SCN7A: variants seen among roughly 807,000 people sequenced by gnomAD.
SCN7A encodes sodium voltage-gated channel alpha subunit 7, also known as sodium channel protein type 7 subunit alpha.
SCN7A carries 138 observed loss-of-function variants against 155.2 expected under a neutral mutation model. The observed-to-expected ratio is 0.89, with a 90% CI of 0.77 to 1.02. The LOEUF is 1.02. Ranked by LOEUF, SCN7A falls within the 50% of genes least tolerant of loss-of-function variation. The probability of loss-of-function intolerance (pLI) is 0.00; values close to 1 mark genes in which losing one functional copy is unlikely to be tolerated. For synonymous variants in SCN7A, 693 were observed against 649.0 expected (o/e 1.07, Z -1.03); for missense variants, 2,058 against 1,986.6 (o/e 1.04, Z -0.68).
intron 10 of SCN7A, among the ~76,000 whole-genome samples, chr2:166,460,121 G>C (rs921447761): frequency 6.6e-6 from 1 of 152,112 alleles, no homozygotes; most frequent in Non-Finnish European, 1.5e-5. Flanking sequence ...AGAACTTAAA[G>C]TATAAGAAAC....
Position 166,473,830 on chromosome 2 carries a change from T to A in SCN7A, c.412A>T (p.Thr138Ser). 6.4e-7 allele frequency: 1 copy of A among 1,554,096 alleles called. No individual in the cohort carries two copies. The highest frequency in any genetic ancestry group is 8.7e-7 in the Non-Finnish European group (1 of 1,145,322). The change falls in exon 5 of 26, where the codon ACT becomes TCT. Residue 138 changes from threonine to serine, a missense_variant. Physicochemically the swap from Thr to Ser is moderately conservative, Grantham distance 58 (BLOSUM62 1). Transcript: ENST00000643258. ...ACTGGTCTCCATTTTGGCAAATTAG[T>A]CAGGGACATGAATACGCAATCAATC... ...VLIDCVFMSL[T>S]NLPKWRPVLE...
chr2:166,472,655 T>G (rs1169166140), intron 5 of SCN7A, among the ~76,000 whole-genome samples: 1 of 151,860 alleles, frequency 6.6e-6, no homozygotes, highest in Non-Finnish European at 1.5e-5. Context: ...GCTCAATGCT[T>G]TAAACAGAAT....
At chr2:166,443,175 G>A (rs925469517) in intron 14 of SCN7A, among the ~76,000 whole-genome samples, 34 of 151,626 alleles carry the variant, frequency 2.2e-4, no homozygotes, top group African/African-American at 7.8e-4. Flanking sequence ...ACCTTATTTC[G>A]GCTTCTTGGT....
rs750093314 is a variant in SCN7A, at chr2:166,465,786, A to T, written c.866T>A (p.Ile289Asn). ...LHNRTGNPYYIRETENFYYLE... is the reference protein window; with the variant it reads ...LHNRTGNPYYNRETENFYYLE... ...CATGGCAAGGTGATTCTTACCTCGA[A>T]TATAATATGGGTTTCCAGTTCTGTT... The change falls in exon 8 of 26, where the codon ATT becomes AAT. Residue 289 changes from isoleucine to asparagine, a missense_variant. By Grantham distance (149) the Ile-to-Asn change is moderately radical. Transcript: ENST00000643258. The T allele has an allele frequency of 6.2e-6, 10 of 1,613,746 alleles. No individual in the cohort carries two copies. Among genetic ancestry groups the T allele is most frequent in the Non-Finnish European group, 5.9e-6 (7 of 1,179,754 alleles).
At chr2:166,417,897 G>A (rs996830498) in intron 20 of SCN7A, among the ~76,000 whole-genome samples, 1 of 151,376 alleles carries the variant, frequency 6.6e-6, no homozygotes, top group African/African-American at 2.4e-5. Context: ...ATGAAGCTTG[G>A]GAGATGAATC....
chr2:166,472,520 T>C (rs1325341442), intron 5 of SCN7A, 75 bp from the exon 6 acceptor site: 2 of 1,221,734 alleles, frequency 1.6e-6, no homozygotes, highest in South Asian at 1.5e-5. Context: ...ATGTTTATGA[T>C]AACTAGCTGG....
At chr2:166,426,426 T>C (rs904664872) in intron 18 of SCN7A, among the ~76,000 whole-genome samples, 2 of 151,982 alleles carry the variant, frequency 1.3e-5, no homozygotes, top group African/African-American at 4.8e-5. Flanking sequence ...GCTCCCAGAA[T>C]AGGGCATTAG....
chr2:166,489,695 C>T lies in SCN7A; in HGVS notation c.-127-2727G>A, dbSNP rs558186668. On this transcript the variant is annotated intron_variant, in intron 1 of 25. Coordinates refer to ENST00000643258, the MANE Select transcript of SCN7A (RefSeq NM_002976.4). Reference sequence around the variant, plus strand: ...GTCTGTGGCAAACAGTTTATCTAGGCTGCTTAATTGACTTTTGCTACTTTC... The same window carrying T: ...GTCTGTGGCAAACAGTTTATCTAGGTTGCTTAATTGACTTTTGCTACTTTC... Among the ~76,000 whole-genome samples, 36 of 152,270 alleles carry T rather than the reference C, an allele frequency of 2.4e-4. No individual in the cohort carries two copies. In the Middle Eastern group the frequency reaches 0.017, roughly 72 times the overall value.
rs544301549 is a variant in SCN7A, at chr2:166,464,608, G to A, written c.941+854C>T. On this transcript the variant is annotated intron_variant, in intron 9 of 25. Transcript: ENST00000643258. ...GAGATTAAATAAGTGAAATATCAGC[G>A]TATCTTTTTAATTTTTTTTTAAATG... is the stretch of plus-strand genomic sequence containing the variant. 6.6e-5 allele frequency among the ~76,000 whole-genome samples: 10 copies of A among 152,230 alleles called. No homozygotes were observed. In the East Asian group the frequency reaches 9.7e-4, roughly 15 times the overall value.
At chr2:166,443,115 T>C (rs1432858328) in intron 14 of SCN7A, among the ~76,000 whole-genome samples, 2 of 152,164 alleles carry the variant, frequency 1.3e-5, no homozygotes, top group African/African-American at 4.8e-5. Context: ...CATAATAACA[T>C]TCTCCTGGTC....
At chr2:166,479,520 G>A (rs908413032) in intron 2 of SCN7A, among the ~76,000 whole-genome samples, 1 of 152,048 alleles carries the variant, frequency 6.6e-6, no homozygotes, top group African/African-American at 2.4e-5. Context: ...GTGGAATCAA[G>A]TTTTCTGGGT....
intron 2 of SCN7A, 109 bp from the exon 3 acceptor site, chr2:166,477,819 A>G: frequency 1.7e-6 from 1 of 582,008 alleles, no homozygotes; most frequent in South Asian, 3.7e-5. Context: ...CATTTAAAGA[A>G]CATATTCCTT....
At chr2:166,450,658 T>A (rs979890049) in intron 11 of SCN7A, among the ~76,000 whole-genome samples, 5 of 151,746 alleles carry the variant, frequency 3.3e-5, no homozygotes, top group Non-Finnish European at 7.4e-5. Context: ...GCTGGATGTG[T>A]TAGGGCGCGC....
chr2:166,415,776 A>G (rs1042485587), intron 21 of SCN7A, among the ~76,000 whole-genome samples: 2 of 152,158 alleles, frequency 1.3e-5, no homozygotes, highest in African/African-American at 4.8e-5. Context: ...TAACTGTACA[A>G]ATTGATTGTA....
intron 20 of SCN7A, among the ~76,000 whole-genome samples, chr2:166,418,977 C>T (rs372810366): frequency 5.3e-5 from 8 of 152,108 alleles, no homozygotes; most frequent in African/African-American, 1.9e-4. Context: ...CTACTATTTT[C>T]CTGACCTTGA....
chr2:166,423,464 G>A (rs922343963), intron 18 of SCN7A, 32 bp from the exon 19 acceptor site: 2 of 1,478,274 alleles, frequency 1.4e-6, no homozygotes, highest in African/African-American at 1.4e-5. Flanking sequence ...TAAGGATTAG[G>A]TGTACAGGTA....
chr2:166,436,147 A>C (rs1229469195), intron 15 of SCN7A, among the ~76,000 whole-genome samples: 2 of 152,170 alleles, frequency 1.3e-5, no homozygotes. Context: ...AAAGACACTT[A>C]TTTATTAAGT....
At chr2:166,419,223 G>C (rs965131322) in intron 20 of SCN7A, among the ~76,000 whole-genome samples, 2 of 151,904 alleles carry the variant, frequency 1.3e-5, no homozygotes, top group Admixed American at 1.3e-4. Context: ...GTTTATTTTA[G>C]TTACATATTT....
chr2:166,463,741 G>A (rs143908583), intron 9 of SCN7A, among the ~76,000 whole-genome samples: 1 of 152,194 alleles, frequency 6.6e-6, no homozygotes, highest in African/African-American at 2.4e-5. Flanking sequence ...AGCCCAGCAG[G>A]AGCTGGGCAA....
Sources: gnomAD v4.1 joint callset for allele counts (sites outside exome capture counted in the v4.1 genomes callset) on GRCh38, gnomAD v4.1.1 for gene constraint, MANE v1.5 for transcripts, NCBI Gene and HGNC (gene_info 2026-07-23, HGNC 2026-07-21) for gene names.